INTS6: variants seen among roughly 807,000 people sequenced by gnomAD.
INTS6 encodes integrator complex subunit 6.
A neutral mutation model predicts 104.9 loss-of-function variants in INTS6; 16 were observed. That is an observed-to-expected ratio of 0.15 (90% CI 0.10 to 0.23). The LOEUF (loss-of-function observed/expected upper bound fraction) is 0.23, where lower values mean the gene tolerates loss of function less well. Among genes scored for constraint, INTS6 ranks in the 10% least tolerant of loss-of-function variants. INTS6 has a pLI of 1.00. For synonymous variants in INTS6, 324 were observed against 358.7 expected, an observed-to-expected ratio of 0.90 and a Z score of 1.09; for missense variants, 584 against 1,062.8, an observed-to-expected ratio of 0.55 and a Z score of 6.26.
intron 6 of INTS6, among the ~76,000 whole-genome samples, chr13:51,388,534 T>C (rs1413635397): frequency 3.9e-5 from 6 of 151,942 alleles, no homozygotes; most frequent in Non-Finnish European, 1.5e-5. Flanking sequence ...GCTGGGATCA[T>C]AGGCATGCGC....
At chr13:51,344,445 C>T in the INTS6 span, 14 of 1,604,216 alleles carry the variant, frequency 8.7e-6, no homozygotes, top group Admixed American at 1.0e-4. Context: ...CCAATAGCAC[C>T]GCCATCCAGA....
chr13:51,375,738 T>G lies in INTS6; in HGVS notation c.1729+310A>C, dbSNP rs1032636637. Reference sequence around the variant, plus strand: ...AAGTATACAGTTTGATAAGTGGGTGTGTGTGTGTGTGTGTGTGTGTGTGTG... The same window carrying G: ...AAGTATACAGTTTGATAAGTGGGTGGGTGTGTGTGTGTGTGTGTGTGTGTG... On this transcript the variant is annotated intron_variant, in intron 13 of 17. Coordinates refer to ENST00000311234, the MANE Select transcript of INTS6 (RefSeq NM_012141.3). Among the ~76,000 whole-genome samples the G allele has an allele frequency of 2.3e-5, 3 of 132,202 alleles. No individual in the cohort carries two copies. In the East Asian group the frequency reaches 7.2e-4, roughly 32 times the overall value. The allele number at this position is 132,202 out of a possible 152,430, so 86.7% of individuals were successfully genotyped here. A position where few individuals can be genotyped will look rare whatever the true frequency, so the allele number is the denominator to read the frequency against.
At chr13:51,373,865 C>T (rs546854651) in intron 15 of INTS6, among the ~76,000 whole-genome samples, 1 of 152,272 alleles carries the variant, frequency 6.6e-6, no homozygotes, top group Admixed American at 6.5e-5. Context: ...ACAGCATTAT[C>T]CAAAATAGCA....
At position 51,374,356 on chromosome 13, in the gene INTS6, C is replaced by G. The variant is rs1955873429; in HGVS notation, c.1956G>C (p.Gly652=). 6.2e-7 allele frequency: 1 copy of G among 1,614,032 alleles called. No individual in the cohort carries two copies. The highest frequency in any genetic ancestry group is 1.1e-5 in the South Asian group (1 of 91,070). ...HKRPGEPNMQ[G]IPKRRRCMSP... ...ACATACACCGACGTCTTTTAGGGATCCCTTGCATATTTGGTTCTCCGGGTC... is the reference window on the plus strand; with the variant it reads ...ACATACACCGACGTCTTTTAGGGATGCCTTGCATATTTGGTTCTCCGGGTC... Residue 652 remains glycine (G), a synonymous_variant, in exon 15 of 18, where the codon GGG becomes GGC. Transcript: ENST00000311234.
At position 51,362,136 on chromosome 13, in the gene INTS6, G is replaced by C; in HGVS notation, c.*3616C>G. ...TCTCAGCTCATATATAGTTAATGTA[G>C]ATTTTTTTTTTTAATGCTATAGGTT... On this transcript the variant is annotated 3_prime_UTR_variant, in exon 18 of 18. Coordinates refer to ENST00000311234, the MANE Select transcript of INTS6 (RefSeq NM_012141.3). 2 of 1,237,302 alleles carry C rather than the reference G, an allele frequency of 1.6e-6. No individual in the cohort carries two copies. Among genetic ancestry groups the C allele is most frequent in the Non-Finnish European group, 2.1e-6 (2 of 950,824 alleles). 76.6% of individuals were successfully genotyped at this position (1,237,302 alleles called of 1,614,324 possible).
At chr13:51,341,030 C>A in the INTS6 span, 1 of 1,575,558 alleles carries the variant, frequency 6.3e-7, no homozygotes, top group Non-Finnish European at 8.6e-7. Context: ...CCTCTTTCAT[C>A]ACCAGCTTCC....
At chr13:51,411,266 C>T (rs2138033198) in intron 4 of INTS6, among the ~76,000 whole-genome samples, 1 of 150,360 alleles carries the variant, frequency 6.7e-6, no homozygotes, top group South Asian at 2.1e-4. Flanking sequence ...AGCAAGCAAG[C>T]ACATGGGCCA....
Position 51,369,158 on chromosome 13 carries a change from C to T in INTS6, c.2257G>A (p.Glu753Lys). The T allele has an allele frequency of 4.3e-6, 7 of 1,613,862 alleles. No individual in the cohort carries two copies. The highest frequency in any genetic ancestry group is 5.9e-6 in the Non-Finnish European group (7 of 1,179,838). ...CCTAAATGGTCATGACCAAGAGCCT[C>T]CATATGATTGGTTGGCCGTTCCAGT... ...SLLERPTNHM[E>K]ALGHDHLGTN... The change falls in exon 16 of 18, where the codon GAG becomes AAG. Residue 753 changes from glutamate (E) to lysine (K), a missense_variant. Around this residue, in one of 5 missense-constraint regions of INTS6, gnomAD observed 296 missense variants for 437.0 expected, o/e 0.68. Coordinates refer to ENST00000311234, the MANE Select transcript of INTS6 (RefSeq NM_012141.3).
chr13:51,348,766 T>C, the INTS6 span: 1 of 242,346 alleles, frequency 4.1e-6, no homozygotes, highest in Non-Finnish European at 8.0e-6. Flanking sequence ...TGTAGGAACG[T>C]TGCCCAAATC....
chr13:51,353,629 T>C (rs957306481), downstream of INTS6, among the ~76,000 whole-genome samples: 7 of 152,220 alleles, frequency 4.6e-5, no homozygotes, highest in South Asian at 2.1e-4. Context: ...TCGTAAGAGA[T>C]AGTCCAAAAG....
chr13:51,375,734 G>GGGGTGTGTGT (rs1555283831), intron 13 of INTS6, among the ~76,000 whole-genome samples: 1 of 147,560 alleles, frequency 6.8e-6, no homozygotes, highest in African/African-American at 2.4e-5. Context: ...TTGATAAGTG[G>GGGGTGTGTGT]GTGTGTGTGT....
At chr13:51,441,052 A>G (rs1952788655) in intron 3 of INTS6, 1 of 152,222 alleles carries the variant, frequency 6.6e-6, no homozygotes, top group Non-Finnish European at 1.5e-5. Context: ...GATGATTAAC[A>G]AATATTACTT....
rs976791068 is a variant in INTS6, at chr13:51,378,530, T to C, written c.1387-76A>G. On this transcript the variant is annotated intron_variant, in intron 11 of 17. Coordinates refer to ENST00000311234, the MANE Select transcript of INTS6 (RefSeq NM_012141.3). ...TCAGATACTAATGGTTATGATCTTC[T>C]ATAAATTAAATATATATTTTTTAAG... The C allele has an allele frequency of 1.3e-5, 10 of 798,966 alleles. No homozygotes were observed. The Admixed American group carries it at 3.3e-4, about 26-fold the overall frequency. 49.5% of individuals were successfully genotyped at this position (798,966 alleles called of 1,614,324 possible).
intron 4 of INTS6, among the ~76,000 whole-genome samples, chr13:51,413,051 G>A (rs2138040215): frequency 6.6e-6 from 1 of 152,252 alleles, no homozygotes; most frequent in South Asian, 2.1e-4. Context: ...ACTATTATGT[G>A]GCAGGTACTG....
intron 4 of INTS6, chr13:51,421,088 A>G (rs1400122201): frequency 4.2e-6 from 4 of 944,570 alleles, no homozygotes; most frequent in Non-Finnish European, 5.0e-6. Context: ...GCCCCCAGAG[A>G]GAACTACACT....
At chr13:51,349,007 G>T in the INTS6 span, among the ~76,000 whole-genome samples, 5 of 152,256 alleles carry the variant, frequency 3.3e-5, no homozygotes, top group Non-Finnish European at 1.5e-5. Context: ...TGAAGTGGTG[G>T]CATTCTATGT....
At chr13:51,348,624 T>C in the INTS6 span, 1 of 418,864 alleles carries the variant, frequency 2.4e-6, no homozygotes, top group Non-Finnish European at 4.0e-6. Flanking sequence ...CAGACTGAAA[T>C]GAACTAACTT....
chr13:51,440,274 AAAT>A (rs1952770825), intron 3 of INTS6: 1 of 152,062 alleles, frequency 6.6e-6, no homozygotes, highest in Non-Finnish European at 1.5e-5. Flanking sequence ...GTTTTTAAAA[AAAT>A]AACAATTTTA....
At chr13:51,439,722 T>A (rs999509832) in intron 3 of INTS6, 1 of 152,244 alleles carries the variant, frequency 6.6e-6, no homozygotes, top group Non-Finnish European at 1.5e-5. Flanking sequence ...AAAACCTTTC[T>A]TGCTTTGAAA....
Sources: allele counts gnomAD v4.1 joint callset (sites outside exome capture counted in the v4.1 genomes callset), GRCh38; gene constraint gnomAD v4.1.1; regional missense constraint gnomAD v4.1.1; transcripts MANE v1.5; gene names NCBI Gene and HGNC (gene_info 2026-07-23, HGNC 2026-07-21).